GPR173: variants seen among roughly 807,000 people sequenced by gnomAD.
GPR173 encodes the protein probable G protein-coupled receptor 173.
A neutral mutation model predicts 13.9 loss-of-function variants in GPR173; 2 were observed. That is an observed-to-expected ratio of 0.14 (90% CI 0.06 to 0.45). The LOEUF (loss-of-function observed/expected upper bound fraction) is 0.45, where lower values mean the gene tolerates loss of function less well. GPR173 is among the 20% of genes least tolerant of loss of function. The pLI, the probability that GPR173 is intolerant of heterozygous loss-of-function variation, is 0.98. For missense variants in GPR173, 202 were observed against 340.5 expected (o/e 0.59, Z 3.20); for synonymous variants, 131 against 141.0 (o/e 0.93, Z 0.50).
intron 1 of GPR173, among the ~76,000 whole-genome samples, chrX:53,062,936 T>A (rs973626239): frequency 2.7e-5 from 3 of 111,978 alleles, no homozygotes; most frequent in Non-Finnish European, 3.8e-5. Context: ...CCTGCCCCTA[T>A]GGCTTTGCTG....
Position 53,079,418 on chromosome X carries a change from T to G in GPR173, c.*1675T>G, listed in dbSNP as rs1602098394. 3 of 58,530 alleles carry G rather than the reference T, an allele frequency of 5.1e-5. No homozygotes were observed. The highest frequency in any genetic ancestry group is 2.8e-4 in the Admixed American group (1 of 3,512). The allele number at this position is 58,530 out of a possible 1,213,427, so 4.8% of individuals were successfully genotyped here. On this transcript the variant is annotated 3_prime_UTR_variant, in exon 2 of 2. Transcript: ENST00000332582. ...GTTCTCTCAGCGATAGTGATGGGGG[T>G]GCCTTTCCGAGGGGGTGGGGTGGGA... is the stretch of plus-strand genomic sequence containing the variant.
At position 53,072,178 on chromosome X, in the gene GPR173, T is replaced by A. The variant is rs188196448; in HGVS notation, c.-97-4347T>A. On this transcript the variant is annotated intron_variant, in intron 1 of 1. Transcript: ENST00000332582. ...GGTTTTGTTTTATCTTTAGCTTTTG[T>A]TTTCACTGAGACTCAGGGCTACGCA... Among the ~76,000 whole-genome samples, 358 of 110,194 alleles carry A rather than the reference T, an allele frequency of 3.2e-3. 4 individuals carry two copies. Among genetic ancestry groups the A allele is most frequent in the Non-Finnish European group, 3.1e-3 (165 of 52,732 alleles).
chrX:53,065,192 T>C (rs1298649047), intron 1 of GPR173: 1 of 112,191 alleles, frequency 8.9e-6, no homozygotes, highest in African/African-American at 3.2e-5. Context: ...TAAACTTCTA[T>C]TGTGGCCTGC....
chrX:53,049,012 G>A lies in GPR173; in HGVS notation c.-570G>A, dbSNP rs936221707. ...GGAGGCTTGGCAGAGGCCCCGCGGG[G>A]ACCGTGTCTTCTGAGGACAAAAGGC... On this transcript the variant is annotated 5_prime_UTR_variant, in exon 1 of 2. Coordinates refer to ENST00000332582, the MANE Select transcript of GPR173 (RefSeq NM_018969.6). 1.4e-4 allele frequency: 14 copies of A among 102,296 alleles called. No individual in the cohort carries two copies. Among genetic ancestry groups the A allele is most frequent in the Non-Finnish European group, 2.6e-4 (13 of 49,934 alleles). 8.4% of individuals were successfully genotyped at this position (102,296 alleles called of 1,213,427 possible).
At chrX:53,065,465 T>C (rs1932173050) in intron 1 of GPR173, 1 of 112,106 alleles carries the variant, frequency 8.9e-6, no homozygotes, top group Non-Finnish European at 1.9e-5. Flanking sequence ...TACCCACCTT[T>C]CTTAAGAAAT....
At chrX:53,050,908 C>T (rs893225177) in intron 1 of GPR173, among the ~76,000 whole-genome samples, 4 of 111,833 alleles carry the variant, frequency 3.6e-5, no homozygotes, top group Admixed American at 2.8e-4. Context: ...TGCACTTGTC[C>T]CTGTTTGTGC....
At chrX:53,072,393 G>GCTCTCTCTCTCTCTCTCTCT (rs111935395) in intron 1 of GPR173, among the ~76,000 whole-genome samples, 1 of 90,072 alleles carries the variant, frequency 1.1e-5, no homozygotes, top group African/African-American at 4.4e-5. Context: ...TCTCTCTCTT[G>GCTCTCTCTCTCTCTCTCTCT]CTCTCTCTCT....
intron 1 of GPR173, among the ~76,000 whole-genome samples, chrX:53,056,262 G>A (rs1252397135): frequency 9.1e-6 from 1 of 110,125 alleles, no homozygotes; most frequent in Non-Finnish European, 1.9e-5. Context: ...ATTTAGATGG[G>A]ATTTGTGTGA....
At chrX:53,075,982 A>C (rs1319188344) in intron 1 of GPR173, among the ~76,000 whole-genome samples, 4 of 111,447 alleles carry the variant, frequency 3.6e-5, no homozygotes, top group Non-Finnish European at 5.6e-5. Flanking sequence ...GCAGTAAAAA[A>C]AAGTCTGAAC....
intron 1 of GPR173, among the ~76,000 whole-genome samples, chrX:53,052,270 A>G (rs1556802776): frequency 9.1e-6 from 1 of 110,465 alleles, no homozygotes; most frequent in Admixed American, 9.6e-5. Context: ...GCACACAAAA[A>G]CACACACACA....
chrX:53,056,942 T>G (rs1932047435), intron 1 of GPR173, among the ~76,000 whole-genome samples: 1 of 111,590 alleles, frequency 9.0e-6, no homozygotes, highest in Non-Finnish European at 1.9e-5. Context: ...TATTTCTACA[T>G]GTAAGTTGGA....
At chrX:53,059,298 A>T (rs950314650) in intron 1 of GPR173, among the ~76,000 whole-genome samples, 8 of 106,353 alleles carry the variant, frequency 7.5e-5, no homozygotes, top group African/African-American at 2.4e-4. Flanking sequence ...CTCTCAATAC[A>T]ATTTTTGTGT....
At chrX:53,059,213 C>T (rs1932085336) in intron 1 of GPR173, among the ~76,000 whole-genome samples, 2 of 107,023 alleles carry the variant, frequency 1.9e-5, no homozygotes, top group African/African-American at 6.8e-5. Context: ...CGCGCAACTG[C>T]ACTCCAGCCT....
chrX:53,053,398 G>A (rs1363570271), intron 1 of GPR173, among the ~76,000 whole-genome samples: 1 of 112,938 alleles, frequency 8.9e-6, no homozygotes, highest in African/African-American at 3.2e-5. Flanking sequence ...GTCTGTCTGT[G>A]GACATGTGAA....
In GPR173 at chrX:53,077,984, C is replaced by A. The variant is rs1277648356; in HGVS notation, c.*241C>A. 4.4e-5 allele frequency: 17 copies of A among 386,897 alleles called. No homozygotes were observed. Among genetic ancestry groups the A allele is most frequent in the African/African-American group, 4.1e-4 (15 of 36,964 alleles). 31.9% of individuals were successfully genotyped at this position (386,897 alleles called of 1,213,427 possible). ...CCTGTCTCCGCTGCCTCCTTCTCCA[C>A]TTCTACAATCTCATTCTCTCTCTCT... On this transcript the variant is annotated 3_prime_UTR_variant, in exon 2 of 2. Transcript: ENST00000332582.
intron 1 of GPR173, among the ~76,000 whole-genome samples, chrX:53,061,080 G>A (rs928638852): frequency 4.6e-5 from 5 of 108,441 alleles, no homozygotes; most frequent in Non-Finnish European, 9.6e-5. Context: ...AAAATTAGCC[G>A]GGCGTGATGG....
In GPR173 at chrX:53,077,488, C is replaced by T. The variant is rs782087921; in HGVS notation, c.867C>T (p.Tyr289=). Residue 289 remains tyrosine, a synonymous_variant, in exon 2 of 2, where the codon TAC becomes TAT. Coordinates refer to ENST00000332582, the MANE Select transcript of GPR173 (RefSeq NM_018969.6). ...AAAAGCAGCTGGGCCGCATGTTCTA[C>T]GCGATCACACTGCTCTTTCTGCTCC... ...KGEKQLGRMF[Y]AITLLFLLLW... 21 of 1,210,297 alleles carry T rather than the reference C, an allele frequency of 1.7e-5. No homozygotes were observed. In the East Asian group the frequency reaches 1.8e-4, roughly 10 times the overall value.
chrX:53,074,314 A>G (rs1371008144), intron 1 of GPR173, among the ~76,000 whole-genome samples: 1 of 72,328 alleles, frequency 1.4e-5, no homozygotes, highest in Non-Finnish European at 2.3e-5. Flanking sequence ...ATACATTCAT[A>G]TATATTTATA....
Position 53,049,003 on chromosome X carries a change from C to T in GPR173, c.-579C>T, listed in dbSNP as rs1931913950. On this transcript the variant is annotated 5_prime_UTR_variant, in exon 1 of 2. Transcript: ENST00000332582. The stretch of plus-strand genomic sequence containing the variant: ...GCATCTGCTGGAGGCTTGGCAGAGG[C>T]CCCGCGGGGACCGTGTCTTCTGAGG... 9.6e-6 allele frequency: 1 copy of T among 104,548 alleles called. No homozygotes were observed. The highest frequency in any genetic ancestry group is 4.5e-4 in the South Asian group (1 of 2,210). The allele number at this position is 104,548 out of a possible 1,213,427, so 8.6% of individuals were successfully genotyped here. A position where few individuals can be genotyped will look rare whatever the true frequency, so the allele number is the denominator to read the frequency against.
Sources: gnomAD v4.1 joint callset for allele counts (sites outside exome capture counted in the v4.1 genomes callset) on GRCh38, gnomAD v4.1.1 for gene constraint, MANE v1.5 for transcripts, NCBI Gene and HGNC (gene_info 2026-07-23, HGNC 2026-07-21) for gene names.